Variants in PCDH15 observed in about 807,000 individuals in gnomAD.
The protein encoded by PCDH15 is protocadherin related 15.
In PCDH15, 129 loss-of-function variants were observed where a neutral mutation model predicts 178.5. The ratio of observed to expected loss-of-function variants is 0.72; its 90% CI spans 0.63 to 0.84. The LOEUF is 0.84. Ranked by LOEUF, PCDH15 falls within the 40% of genes least tolerant of loss-of-function variation. PCDH15 has a pLI of 0.00. For missense variants in PCDH15, 2,230 were observed against 2,099.9 expected, an observed-to-expected ratio of 1.06 and a Z score of -1.21; for synonymous variants, 800 against 732.0, an observed-to-expected ratio of 1.09 and a Z score of -1.50.
chr10:55,291,998 A>T (rs1050202205), intron 1 of PCDH15, among the ~76,000 whole-genome samples: 6 of 152,224 alleles, frequency 3.9e-5, no homozygotes, highest in Admixed American at 6.5e-5. Flanking sequence ...TTCTCACAAC[A>T]CATGGGAATT....
In PCDH15 at chr10:53,807,037, G is replaced by C. The variant is rs375643153; in HGVS notation, c.4765C>G (p.Arg1589Gly). 1.2e-6 allele frequency: 2 copies of C among 1,613,334 alleles called. No homozygotes were observed. The highest frequency in any genetic ancestry group is 2.7e-5 in the African/African-American group (2 of 74,818). The change falls in exon 38 of 38, where the codon CGT (arginine) becomes GGT (glycine). Residue 1589 changes from arginine (R) to glycine (G), a missense_variant. Coordinates refer to ENST00000644397, the MANE Select transcript of PCDH15 (RefSeq NM_001384140.1). The part of the protein sequence containing the change: ...EDSAPECQRN[R>G]LHHPSIHSNI... ...CTGTGGATACTAGGATGGTGAAGAC[G>C]GTTTCTCTGACATTCAGGAGCACTG... is the stretch of plus-strand genomic sequence containing the variant.
intron 2 of PCDH15, among the ~76,000 whole-genome samples, chr10:54,940,501 G>A (rs1342815509): frequency 6.6e-6 from 1 of 152,088 alleles, no homozygotes; most frequent in Non-Finnish European, 1.5e-5. Context: ...ATATAGTGCT[G>A]TATTGGATAG....
Position 53,876,621 on chromosome 10 carries a change from T to C in PCDH15, c.3502-9764A>G, listed in dbSNP as rs558031809. 4.5e-4 allele frequency among the ~76,000 whole-genome samples: 40 copies of C among 89,650 alleles called. No homozygotes were observed. In the East Asian group the frequency reaches 0.015, roughly 35 times the overall value. The allele number at this position is 89,650 out of a possible 152,430, so 58.8% of individuals were successfully genotyped here. ...CTACTTTTAGGGCTATTCAAAACTT[T>C]TGCAAAAAAAAAAAAGAAGAAACAA... On this transcript the variant is annotated intron_variant, in intron 26 of 37. Coordinates refer to ENST00000644397, the MANE Select transcript of PCDH15 (RefSeq NM_001384140.1).
intron 25 of PCDH15, among the ~76,000 whole-genome samples, chr10:53,909,353 T>A (rs1289379104): frequency 6.6e-6 from 1 of 152,218 alleles, no homozygotes; most frequent in Non-Finnish European, 1.5e-5. Flanking sequence ...TATTTCTTTA[T>A]ACCAGTGTGA....
intron 3 of PCDH15, among the ~76,000 whole-genome samples, chr10:54,496,889 T>C (rs2080169724): frequency 6.6e-6 from 1 of 152,152 alleles, no homozygotes; most frequent in Non-Finnish European, 1.5e-5. Flanking sequence ...CTTTACCCGT[T>C]CTGTATTATT....
At chr10:55,212,947 G>A (rs899006143) in intron 1 of PCDH15, among the ~76,000 whole-genome samples, 2 of 152,068 alleles carry the variant, frequency 1.3e-5, no homozygotes, top group Non-Finnish European at 2.9e-5. Flanking sequence ...ATTACAGCAT[G>A]TATTCTTATT....
intron 3 of PCDH15, among the ~76,000 whole-genome samples, chr10:54,494,051 A>C (rs1280272926): frequency 7.1e-6 from 1 of 140,578 alleles, no homozygotes; most frequent in Non-Finnish European, 1.5e-5. Context: ...ACACATGGAC[A>C]CAGGAAGGGG....
intron 26 of PCDH15, among the ~76,000 whole-genome samples, chr10:53,888,581 T>G (rs1382328303): frequency 8.0e-6 from 1 of 124,510 alleles, no homozygotes; most frequent in East Asian, 2.3e-4. Flanking sequence ...TGTCTGTTTT[T>G]TTTTTTTTTT....
At chr10:55,148,594 C>T (rs1485223232) in intron 2 of PCDH15, among the ~76,000 whole-genome samples, 2 of 151,680 alleles carry the variant, frequency 1.3e-5, no homozygotes, top group African/African-American at 4.8e-5. Flanking sequence ...TAAAATTTAA[C>T]CTTTCAGATC....
intron 1 of PCDH15, among the ~76,000 whole-genome samples, chr10:55,263,986 G>A (rs1842216196): frequency 7.1e-6 from 1 of 140,320 alleles, no homozygotes; most frequent in East Asian, 2.4e-4. Context: ...CGCCCGCCTC[G>A]GCCTCCCAAA....
intron 3 of PCDH15, among the ~76,000 whole-genome samples, chr10:54,413,313 T>TG (rs1462313932): frequency 1.3e-5 from 2 of 152,166 alleles, no homozygotes; most frequent in African/African-American, 2.4e-5. Flanking sequence ...AGGCACTATT[T>TG]CTCAAAGTGA....
chr10:55,245,327 G>C (rs1017390787), intron 1 of PCDH15, among the ~76,000 whole-genome samples: 1 of 152,000 alleles, frequency 6.6e-6, no homozygotes, highest in Non-Finnish European at 1.5e-5. Context: ...GAAAGTGGTA[G>C]AGATGGAAAA....
intron 2 of PCDH15, among the ~76,000 whole-genome samples, chr10:55,446,355 A>G (rs1278606349): frequency 6.6e-6 from 1 of 151,898 alleles, no homozygotes; most frequent in Non-Finnish European, 1.5e-5. Flanking sequence ...CAAAAAGTTT[A>G]TTTAATAAGA....
rs1378698123 is a variant in PCDH15, at chr10:54,924,114, G to A, written c.-79-26614C>T. Among the ~76,000 whole-genome samples the A allele has an allele frequency of 2.9e-5, 4 of 138,076 alleles. 1 individual carries two copies. Among genetic ancestry groups the A allele is most frequent in the Non-Finnish European group, 6.7e-5 (4 of 59,394 alleles). 90.6% of individuals were successfully genotyped at this position (138,076 alleles called of 152,430 possible). A position where few individuals can be genotyped will look rare whatever the true frequency, so the allele number is the denominator to read the frequency against. On this transcript the variant is annotated intron_variant, in intron 2 of 5. Coordinates refer to the PCDH15 transcript ENST00000458638. ...AGGAAACTTAAAATCATGGCAGAAA[G>A]TCAAGAGGAAGCAAGCACTGTTCTC...
chr10:54,882,861 T>A (rs1297824107), intron 3 of PCDH15, among the ~76,000 whole-genome samples: 1 of 152,076 alleles, frequency 6.6e-6, no homozygotes, highest in African/African-American at 2.4e-5. Context: ...AGTGAATTAG[T>A]ATGATGTACT....
intron 15 of PCDH15, among the ~76,000 whole-genome samples, chr10:54,111,459 A>AC (rs1399154775): frequency 6.6e-6 from 1 of 152,164 alleles, no homozygotes. Context: ...TCCAATTCAA[A>AC]CAGGTTTAGA....
intron 2 of PCDH15, among the ~76,000 whole-genome samples, chr10:55,476,255 T>C (rs1840060306): frequency 6.6e-6 from 1 of 152,002 alleles, no homozygotes; most frequent in Admixed American, 6.6e-5. Context: ...AAAATGCTTG[T>C]AGATTTTAGA....
At chr10:54,654,225 C>T (rs1186993913) in intron 2 of PCDH15, among the ~76,000 whole-genome samples, 2 of 152,148 alleles carry the variant, frequency 1.3e-5, no homozygotes, top group African/African-American at 4.8e-5. Context: ...TTAGAGAAAG[C>T]TGACAGTTAC....
intron 2 of PCDH15, among the ~76,000 whole-genome samples, chr10:55,513,401 C>CT: frequency 6.6e-6 from 1 of 152,008 alleles, no homozygotes; most frequent in Middle Eastern, 3.5e-3. Context: ...TTGATTATGC[C>CT]TTTTTTGCTT....
Sources: allele counts gnomAD v4.1 joint callset (sites outside exome capture counted in the v4.1 genomes callset), GRCh38; gene constraint gnomAD v4.1.1; transcripts MANE v1.5; gene names NCBI Gene and HGNC (gene_info 2026-07-23, HGNC 2026-07-21).